Variants in MNAT1 observed in about 807,000 individuals in gnomAD.
The protein encoded by MNAT1 is MNAT1 component of CDK activating kinase.
Under a neutral mutation model 42.0 loss-of-function variants are expected in MNAT1, and 43 were observed. The ratio of observed to expected loss-of-function variants is 1.02; its 90% CI spans 0.80 to 1.32. The LOEUF is 1.32. Among genes scored for constraint, MNAT1 ranks in the 40% most tolerant of loss-of-function variants. MNAT1 has a pLI of 0.00. For missense variants in MNAT1, 306 were observed against 350.4 expected, an observed-to-expected ratio of 0.87 and a Z score of 1.01; for synonymous variants, 118 against 120.0, an observed-to-expected ratio of 0.98 and a Z score of 0.11.
At chr14:60,769,740 GA>G (rs1480998278) in intron 1 of MNAT1, among the ~76,000 whole-genome samples, 1 of 152,156 alleles carries the variant, frequency 6.6e-6, no homozygotes, top group Non-Finnish European at 1.5e-5. Flanking sequence ...CTGCAACCTT[GA>G]ATTCCTGGGG....
chr14:60,791,722 A>G (rs1234402313), intron 1 of MNAT1, among the ~76,000 whole-genome samples: 4 of 152,162 alleles, frequency 2.6e-5, no homozygotes, highest in Admixed American at 1.3e-4. Context: ...ACTTTTATTA[A>G]GATTGTATAC....
At chr14:60,893,909 C>T (rs1343660893) in intron 7 of MNAT1, among the ~76,000 whole-genome samples, 1 of 152,076 alleles carries the variant, frequency 6.6e-6, no homozygotes, top group African/African-American at 2.4e-5. Context: ...CATAGGAGGA[C>T]CTGTGTGCCT....
chr14:60,867,939 C>T (rs1205179494), intron 6 of MNAT1, among the ~76,000 whole-genome samples: 2 of 152,006 alleles, frequency 1.3e-5, no homozygotes, highest in African/African-American at 4.8e-5. Flanking sequence ...ATGAATTATA[C>T]TTGCCATGAA....
intron 7 of MNAT1, among the ~76,000 whole-genome samples, chr14:60,900,304 G>A (rs529476525): frequency 2.0e-4 from 31 of 152,312 alleles, no homozygotes; most frequent in African/African-American, 7.5e-4. Flanking sequence ...TGTGAATGCA[G>A]AGGAAAAGTT....
At chr14:60,843,447 T>A (rs901940028) in intron 6 of MNAT1, among the ~76,000 whole-genome samples, 1 of 151,196 alleles carries the variant, frequency 6.6e-6, no homozygotes, top group Non-Finnish European at 1.5e-5. Context: ...ATTTTTGGTA[T>A]TTTTAGTAGA....
At chr14:60,817,117 T>C (rs1307498733) in intron 5 of MNAT1, among the ~76,000 whole-genome samples, 1 of 151,962 alleles carries the variant, frequency 6.6e-6, no homozygotes, top group Non-Finnish European at 1.5e-5. Context: ...TTTTAACTTT[T>C]TAGCTAAGGA....
At chr14:60,799,630 G>A (rs2032136969) in intron 3 of MNAT1, among the ~76,000 whole-genome samples, 1 of 151,726 alleles carries the variant, frequency 6.6e-6, no homozygotes, top group African/African-American at 2.4e-5. Flanking sequence ...TGAGGAATAG[G>A]TTTAGGGGAT....
intron 6 of MNAT1, among the ~76,000 whole-genome samples, chr14:60,819,472 C>A (rs1336950905): frequency 6.6e-6 from 1 of 151,590 alleles, no homozygotes; most frequent in African/African-American, 2.4e-5. Context: ...GATGTAGCCA[C>A]TCTAAATATG....
In MNAT1 at chr14:60,798,073, T is replaced by G. The variant is rs770154784; in HGVS notation, c.243-14T>G. 18 of 1,279,638 alleles carry G rather than the reference T, an allele frequency of 1.4e-5. No homozygotes were observed. Among genetic ancestry groups the G allele is most frequent in the Non-Finnish European group, 1.8e-5 (16 of 888,620 alleles). 79.3% of individuals were successfully genotyped at this position (1,279,638 alleles called of 1,614,324 possible). A position where few individuals can be genotyped will look rare whatever the true frequency, so the allele number is the denominator to read the frequency against. The stretch of plus-strand genomic sequence containing the variant: ...GATATGTAATATGTAGATTTCTTTT[T>G]TCTTTTCTTAAAGATACAATAAAAG... On this transcript the variant is annotated splice_polypyrimidine_tract_variant and intron_variant, in intron 2 of 7. Transcript: ENST00000261245.
chr14:60,954,733 G>C (rs1451782335), intron 7 of MNAT1, among the ~76,000 whole-genome samples: 2 of 152,048 alleles, frequency 1.3e-5, no homozygotes, highest in African/African-American at 4.8e-5. Context: ...AATTGCTCTG[G>C]CTATAACTTC....
chr14:60,952,372 T>C (rs2036399655), intron 7 of MNAT1, among the ~76,000 whole-genome samples: 1 of 152,144 alleles, frequency 6.6e-6, no homozygotes, highest in Admixed American at 6.6e-5. Context: ...GAAGATTAAT[T>C]TGGTAACCAT....
intron 3 of MNAT1, among the ~76,000 whole-genome samples, chr14:60,805,368 A>T (rs2139341677): frequency 6.6e-6 from 1 of 152,296 alleles, no homozygotes; most frequent in African/African-American, 2.4e-5. Flanking sequence ...CCTGCACCAG[A>T]GTGGTACATT....
In MNAT1 at chr14:60,869,040, A is replaced by ATATATATAT. The variant is rs1465360826; in HGVS notation, c.688-10673_688-10672insATATATATT. Among the ~76,000 whole-genome samples the ATATATATAT allele has an allele frequency of 1.8e-4, 20 of 113,028 alleles. 1 individual carries two copies. The highest frequency in any genetic ancestry group is 8.3e-4 in the South Asian group (3 of 3,624). 74.2% of individuals were successfully genotyped at this position (113,028 alleles called of 152,430 possible). On this transcript the variant is annotated intron_variant, in intron 6 of 7. Transcript: ENST00000261245. ...ATTTTATACATATATATATATATATATTTTTTTTTTTTTTTTTGAGACGGA... is the reference window on the plus strand; with the variant it reads ...ATTTTATACATATATATATATATATATATATATATTTTTTTTTTTTTTTTTTGAGACGGA...
intron 1 of MNAT1, among the ~76,000 whole-genome samples, chr14:60,773,158 C>T (rs988890205): frequency 7.9e-5 from 12 of 151,958 alleles, no homozygotes; most frequent in East Asian, 5.8e-4. Context: ...AGGATGGTCT[C>T]GATCTCCTAA....
In MNAT1 at chr14:60,968,412, T is replaced by A; in HGVS notation, c.*63T>A. 6.3e-7 allele frequency: 1 copy of A among 1,576,862 alleles called. No homozygotes were observed. The highest frequency in any genetic ancestry group is 1.2e-5 in the South Asian group (1 of 86,376). On this transcript the variant is annotated 3_prime_UTR_variant, in exon 8 of 8. Coordinates refer to ENST00000261245, the MANE Select transcript of MNAT1 (RefSeq NM_002431.4). ...AGCTAGCAAAAGTAAAGCAGACTTA[T>A]AAAATTATAGCTATGTGCAGCTGCA...
chr14:60,755,937 G>A (rs748905622), intron 1 of MNAT1, among the ~76,000 whole-genome samples: 58 of 152,170 alleles, frequency 3.8e-4, no homozygotes, highest in Non-Finnish European at 7.4e-4. Context: ...AGAGGCTGGG[G>A]AAATGGGACC....
chr14:60,855,494 G>A (rs2033934364), intron 6 of MNAT1, among the ~76,000 whole-genome samples: 1 of 152,180 alleles, frequency 6.6e-6, no homozygotes, highest in African/African-American at 2.4e-5. Flanking sequence ...AAAACCGTGG[G>A]AAAAGTGTAG....
At chr14:60,746,917 TATATATACACACACACACACACAC>T (rs1293954370) in intron 1 of MNAT1, among the ~76,000 whole-genome samples, 1 of 27,164 alleles carries the variant, frequency 3.7e-5, no homozygotes, top group African/African-American at 1.3e-4. Context: ...TATATATATA[TATATATACACACACACACACACAC>T]ACACACACAC....
At chr14:60,798,059 T>A in intron 2 of MNAT1, 28 bp from the exon 3 acceptor site, 1 of 1,071,864 alleles carries the variant, frequency 9.3e-7, no homozygotes, top group Non-Finnish European at 1.4e-6. Context: ...ATATGTAATA[T>A]GTAGATTTCT....
Sources: allele counts gnomAD v4.1 joint callset (sites outside exome capture counted in the v4.1 genomes callset), GRCh38; gene constraint gnomAD v4.1.1; transcripts MANE v1.5; gene names NCBI Gene and HGNC (gene_info 2026-07-23, HGNC 2026-07-21).